Variants in MGAT3 observed in about 807,000 individuals in gnomAD.
MGAT3 encodes beta-1,4-mannosyl-glycoprotein 4-beta-N-acetylglucosaminyltransferase.
In MGAT3, 9 loss-of-function variants were observed where a neutral mutation model predicts 29.8. The ratio of observed to expected loss-of-function variants is 0.30; its 90% CI spans 0.18 to 0.53. The LOEUF is 0.53. MGAT3 is among the 20% of genes least tolerant of loss of function. The probability of loss-of-function intolerance (pLI) is 0.96; values close to 1 mark genes in which losing one functional copy is unlikely to be tolerated. For synonymous variants in MGAT3, 397 were observed against 348.9 expected, an observed-to-expected ratio of 1.14 and a Z score of -1.54; for missense variants, 557 against 769.5, an observed-to-expected ratio of 0.72 and a Z score of 3.27.
intron 1 of MGAT3, among the ~76,000 whole-genome samples, chr22:39,483,426 G>A (rs1424583185): frequency 6.6e-6 from 1 of 151,942 alleles, no homozygotes; most frequent in Non-Finnish European, 1.5e-5. Flanking sequence ...CAGAGGTTGT[G>A]GTGAGCTGAG....
At chr22:39,463,305 A>G (rs1160301616) in intron 1 of MGAT3, among the ~76,000 whole-genome samples, 1 of 152,194 alleles carries the variant, frequency 6.6e-6, no homozygotes, top group Non-Finnish European at 1.5e-5. Context: ...ACAGCTGGGA[A>G]GTGGCAGGGC....
intron 1 of MGAT3, chr22:39,486,071 A>G (rs559381237): frequency 1.6e-5 from 6 of 377,714 alleles, no homozygotes; most frequent in Non-Finnish European, 2.5e-5. Context: ...TTAGTGTCCA[A>G]TATGGTAGTA....
intron 1 of MGAT3, among the ~76,000 whole-genome samples, chr22:39,466,282 T>TG (rs1928644019): frequency 6.6e-6 from 1 of 152,180 alleles, no homozygotes; most frequent in African/African-American, 2.4e-5. Context: ...TGACCGGCTG[T>TG]GGGGTCTCAC....
At position 39,487,383 on chromosome 22, in the gene MGAT3, C is replaced by T. The variant is rs535996556; in HGVS notation, c.36C>T (p.Phe12=). The part of the protein sequence containing the change: ...KMRRYKLFLM[F]CMAGLCLISF... ...GACGCTACAAGCTCTTTCTCATGTT[C>T]TGTATGGCCGGCCTGTGCCTCATCT... The change falls in exon 2 of 2, where the codon TTC becomes TTT. Residue 12 remains phenylalanine, a synonymous_variant. Transcript: ENST00000341184. The surrounding 1 kb of genome is among the most constrained non-coding windows in gnomAD (Gnocchi z 5.7). 4 of 1,613,580 alleles carry T rather than the reference C, an allele frequency of 2.5e-6. No homozygotes were observed. The highest frequency in any genetic ancestry group is 1.1e-5 in the South Asian group (1 of 91,080).
rs1419236411 is a variant in MGAT3, at chr22:39,488,415, G to C, written c.1068G>C (p.Pro356=). The part of the protein sequence containing the change: ...KSLYGFFWKQ[P]GTLEVVSGCT... ...TCTACGGCTTCTTCTGGAAGCAGCCGGGCACCCTGGAGGTGGTGTCAGGCT... is the reference window on the plus strand; with the variant it reads ...TCTACGGCTTCTTCTGGAAGCAGCCCGGCACCCTGGAGGTGGTGTCAGGCT... The change falls in exon 2 of 2, where the codon CCG becomes CCC. Residue 356 remains proline (P), a synonymous_variant. Transcript: ENST00000341184. The C allele has an allele frequency of 6.2e-7, 1 of 1,612,694 alleles. No homozygotes were observed. The highest frequency in any genetic ancestry group is 8.5e-7 in the Non-Finnish European group (1 of 1,180,018).
rs768818106 is a variant in MGAT3, at chr22:39,488,622, C to T, written c.1275C>T (p.Pro425=). Residue 425 remains proline, a synonymous_variant, in exon 2 of 2, where the codon CCC becomes CCT. Coordinates refer to ENST00000341184, the MANE Select transcript of MGAT3 (RefSeq NM_002409.5). ...AGWHCSWCFT[P]EGIYFKLVSA... ...GGCACTGCTCCTGGTGCTTCACGCC[C>T]GAGGGCATCTACTTCAAGCTCGTGT... 1.4e-5 allele frequency: 22 copies of T among 1,613,326 alleles called. No individual in the cohort carries two copies. Among genetic ancestry groups the T allele is most frequent in the Admixed American group, 1.2e-4 (7 of 60,010 alleles).
intron 1 of MGAT3, among the ~76,000 whole-genome samples, chr22:39,469,054 C>T (rs746751897): frequency 1.4e-5 from 2 of 139,570 alleles, no homozygotes; most frequent in East Asian, 2.3e-4. Flanking sequence ...TTCCGGTGAG[C>T]GGTAGGCTTG....
In MGAT3 at chr22:39,487,515, C is replaced by A. The variant is rs1929309728; in HGVS notation, c.168C>A (p.Val56=). 1 of 1,613,412 alleles carries A rather than the reference C, an allele frequency of 6.2e-7. No homozygotes were observed. The highest frequency in any genetic ancestry group is 8.5e-7 in the Non-Finnish European group (1 of 1,179,990). ...GCTTTTTCTGGAACAATGCCCCGGT[C>A]ACGCCCCAGGCCAGCCCCGAGCCAG... ...VSSFFWNNAP[V]TPQASPEPGG... Residue 56 remains valine, a synonymous_variant, in exon 2 of 2, where the codon GTC becomes GTA. Coordinates refer to ENST00000341184, the MANE Select transcript of MGAT3 (RefSeq NM_002409.5). The surrounding 1 kb of genome is among the most constrained non-coding windows in gnomAD (Gnocchi z 5.7).
At chr22:39,471,779 C>T (rs986546181) in intron 1 of MGAT3, among the ~76,000 whole-genome samples, 39 of 152,236 alleles carry the variant, frequency 2.6e-4, no homozygotes, top group Admixed American at 1.4e-3. Context: ...CAGAGCGACA[C>T]GGTACTCATT....
chr22:39,475,605 C>T (rs1459769663), intron 1 of MGAT3, among the ~76,000 whole-genome samples: 1 of 152,220 alleles, frequency 6.6e-6, no homozygotes, highest in Non-Finnish European at 1.5e-5. Context: ...CCCTCCCCTT[C>T]ATCACGGGCC....
At chr22:39,480,190 G>C (rs1166369231) in intron 1 of MGAT3, among the ~76,000 whole-genome samples, 3 of 152,178 alleles carry the variant, frequency 2.0e-5, no homozygotes, top group African/African-American at 7.2e-5. Flanking sequence ...CACAGAGCAG[G>C]CATCTGAGAA....
At chr22:39,470,286 C>G (rs993226878) in intron 1 of MGAT3, among the ~76,000 whole-genome samples, 3 of 152,170 alleles carry the variant, frequency 2.0e-5, no homozygotes, top group Admixed American at 1.3e-4. Context: ...CCCTGTCTGA[C>G]GAGTGGCATC....
chr22:39,479,931 A>G (rs1424974623), intron 1 of MGAT3, among the ~76,000 whole-genome samples: 4 of 152,226 alleles, frequency 2.6e-5, no homozygotes, highest in Non-Finnish European at 5.9e-5. Context: ...AAATGAGCCT[A>G]GTGTTGACTG....
chr22:39,487,314 C>G lies in MGAT3; in HGVS notation c.-1-33C>G, dbSNP rs570089841. ...TCCTAGGAAAGGAGCCTGGGCTGCC[C>G]TGATGAGTCTCCTGTCTCTCTCTCT... On this transcript the variant is annotated intron_variant, in intron 1 of 1. Transcript: ENST00000341184. The surrounding 1 kb of genome is among the most constrained non-coding windows in gnomAD (Gnocchi z 5.7). 6.3e-7 allele frequency: 1 copy of G among 1,591,754 alleles called. No homozygotes were observed. Among genetic ancestry groups the G allele is most frequent in the South Asian group, 1.1e-5 (1 of 89,156 alleles).
intron 1 of MGAT3, among the ~76,000 whole-genome samples, chr22:39,473,173 A>T (rs1928859349): frequency 6.6e-6 from 1 of 152,132 alleles, no homozygotes; most frequent in Non-Finnish European, 1.5e-5. Flanking sequence ...CTGTCCTCTC[A>T]TTCCCCTCCT....
At chr22:39,469,240 C>T (rs776548150) in intron 1 of MGAT3, among the ~76,000 whole-genome samples, 15 of 151,998 alleles carry the variant, frequency 9.9e-5, no homozygotes, top group Admixed American at 3.3e-4. Flanking sequence ...GTGTTGGGAA[C>T]GTCATCGGAG....
chr22:39,463,665 A>T (rs1456153764), intron 1 of MGAT3, among the ~76,000 whole-genome samples: 6 of 152,138 alleles, frequency 3.9e-5, no homozygotes, highest in Non-Finnish European at 8.8e-5. Context: ...TAATCCTAGT[A>T]CTTTGGGAGG....
chr22:39,473,383 T>C (rs1314460514), intron 1 of MGAT3, among the ~76,000 whole-genome samples: 1 of 152,180 alleles, frequency 6.6e-6, no homozygotes, highest in Non-Finnish European at 1.5e-5. Flanking sequence ...CGCATGCAGT[T>C]ATCAGGAACA....
intron 1 of MGAT3, among the ~76,000 whole-genome samples, chr22:39,479,872 C>T (rs1239478566): frequency 6.6e-6 from 1 of 152,206 alleles, no homozygotes; most frequent in Non-Finnish European, 1.5e-5. Flanking sequence ...TGTACATTCC[C>T]TGCTCTAGGG....
Sources: allele counts gnomAD v4.1 joint callset (sites outside exome capture counted in the v4.1 genomes callset), GRCh38; gene constraint gnomAD v4.1.1; non-coding constraint Gnocchi (gnomAD v3.1); transcripts MANE v1.5; gene names NCBI Gene and HGNC (gene_info 2026-07-23, HGNC 2026-07-21).